The following NELL2 variants were observed in gnomAD, a reference collection of about 807,000 sequenced individuals.
NELL2 encodes the protein protein kinase C-binding protein NELL2.
Under a neutral mutation model 109.6 loss-of-function variants are expected in NELL2, and 41 were observed. The observed-to-expected ratio is 0.37, with a 90% CI of 0.29 to 0.49. The LOEUF is 0.49. NELL2 is among the 20% of genes least tolerant of loss of function. The probability of loss-of-function intolerance (pLI) is 0.98; values close to 1 mark genes in which losing one functional copy is unlikely to be tolerated. For missense variants in NELL2, 900 were observed against 1,008.3 expected, an observed-to-expected ratio of 0.89 and a Z score of 1.45; for synonymous variants, 355 against 344.7, an observed-to-expected ratio of 1.03 and a Z score of -0.33.
intron 15 of NELL2, among the ~76,000 whole-genome samples, chr12:44,585,941 T>A (rs995965383): frequency 6.6e-6 from 1 of 151,114 alleles, no homozygotes; most frequent in African/African-American, 2.4e-5. Flanking sequence ...GTTTGGTGTA[T>A]AAACTTATAG....
chr12:44,783,650 A>G (rs1942049331), intron 3 of NELL2, among the ~76,000 whole-genome samples: 1 of 152,022 alleles, frequency 6.6e-6, no homozygotes, highest in Admixed American at 6.6e-5. Context: ...TTACTTGTAT[A>G]CTTCTATAAT....
intron 12 of NELL2, among the ~76,000 whole-genome samples, chr12:44,698,144 C>T (rs1007510109): frequency 1.3e-5 from 2 of 152,164 alleles, no homozygotes; most frequent in Non-Finnish European, 2.9e-5. Context: ...GTGTCACCCT[C>T]CTCCAGCATG....
At position 44,777,279 on chromosome 12, in the gene NELL2, G is replaced by A. The variant is rs1941792709; in HGVS notation, c.642C>T (p.Pro214=). 1.2e-6 allele frequency: 2 copies of A among 1,613,718 alleles called. No individual in the cohort carries two copies. Among genetic ancestry groups the A allele is most frequent in the Non-Finnish European group, 1.7e-6 (2 of 1,179,734 alleles). The change falls in exon 6 of 20, where the codon CCC becomes CCT. Residue 214 remains proline (P), a synonymous_variant. Coordinates refer to ENST00000429094, the MANE Select transcript of NELL2 (RefSeq NM_001145108.2). ...IMQDVQLLVM[P]QGFIAQCPDL... ...CTGGGCACTGAGCAATAAATCCCTGGGGCATGACAAGTAATTGGACATCTT... is the reference window on the plus strand; with the variant it reads ...CTGGGCACTGAGCAATAAATCCCTGAGGCATGACAAGTAATTGGACATCTT...
At chr12:44,629,912 C>G (rs892169033) in intron 13 of NELL2, among the ~76,000 whole-genome samples, 1 of 152,048 alleles carries the variant, frequency 6.6e-6, no homozygotes, top group Non-Finnish European at 1.5e-5. Context: ...TGTCTTTGTC[C>G]TTCTGAAGAC....
intron 13 of NELL2, among the ~76,000 whole-genome samples, chr12:44,619,878 G>T (rs1007095813): frequency 6.6e-6 from 1 of 152,224 alleles, no homozygotes; most frequent in East Asian, 1.9e-4. Flanking sequence ...CTGTGATTTT[G>T]TGAATTAAAC....
chr12:44,566,951 ACAAACGTGCAC>A (rs537617699), intron 15 of NELL2, among the ~76,000 whole-genome samples: 23 of 152,188 alleles, frequency 1.5e-4, no homozygotes, highest in Admixed American at 2.6e-4. Context: ...AGCTGGGATT[ACAAACGTGCAC>A]CACCAGGCCC....
chr12:44,812,816 A>G (rs1011863785), intron 3 of NELL2, among the ~76,000 whole-genome samples: 26 of 152,100 alleles, frequency 1.7e-4, no homozygotes, highest in Non-Finnish European at 5.9e-5. Context: ...AATGATGCTG[A>G]AAAAAAGGCA....
chr12:44,685,945 G>C (rs1948702800), intron 12 of NELL2, among the ~76,000 whole-genome samples: 1 of 152,076 alleles, frequency 6.6e-6, no homozygotes, highest in Admixed American at 6.6e-5. Flanking sequence ...TATATTTCCT[G>C]AATCTGAATG....
At chr12:44,691,465 C>T (rs1948897785) in intron 12 of NELL2, among the ~76,000 whole-genome samples, 1 of 152,090 alleles carries the variant, frequency 6.6e-6, no homozygotes, top group South Asian at 2.1e-4. Flanking sequence ...TTCCTCAGTC[C>T]ACGCTATTCC....
At chr12:44,793,254 T>C (rs988399272) in intron 3 of NELL2, among the ~76,000 whole-genome samples, 1 of 152,284 alleles carries the variant, frequency 6.6e-6, no homozygotes, top group East Asian at 1.9e-4. Flanking sequence ...AAAGAATGAA[T>C]AAAATACCAA....
intron 15 of NELL2, among the ~76,000 whole-genome samples, chr12:44,602,710 T>C (rs1008370658): frequency 2.6e-4 from 40 of 152,226 alleles, no homozygotes; most frequent in African/African-American, 9.6e-4. Flanking sequence ...TCTGAGAATT[T>C]TCCCTTGCTT....
intron 16 of NELL2, among the ~76,000 whole-genome samples, chr12:44,527,000 C>T (rs1941814586): frequency 6.6e-6 from 1 of 152,188 alleles, no homozygotes; most frequent in South Asian, 2.1e-4. Flanking sequence ...CAATCATTTT[C>T]CCTATCTCGA....
At chr12:44,631,127 T>C (rs2136285283) in intron 13 of NELL2, among the ~76,000 whole-genome samples, 2 of 151,858 alleles carry the variant, frequency 1.3e-5, no homozygotes, top group South Asian at 2.1e-4. Flanking sequence ...TTATTTGTTA[T>C]AGAAATTCTC....
At chr12:44,601,332 T>C (rs1460374877) in intron 15 of NELL2, among the ~76,000 whole-genome samples, 2 of 152,168 alleles carry the variant, frequency 1.3e-5, no homozygotes, top group Non-Finnish European at 2.9e-5. Flanking sequence ...AAGAATGACT[T>C]TGAGATTTAA....
At chr12:44,541,027 C>T (rs901517535) in intron 15 of NELL2, among the ~76,000 whole-genome samples, 10 of 151,308 alleles carry the variant, frequency 6.6e-5, no homozygotes, top group African/African-American at 1.7e-4. Flanking sequence ...GGGTGGATCA[C>T]GAGGTCAGGA....
intron 1 of NELL2, among the ~76,000 whole-genome samples, chr12:44,905,551 C>A (rs1945710216): frequency 6.6e-6 from 1 of 151,986 alleles, no homozygotes; most frequent in Non-Finnish European, 1.5e-5. Context: ...AAAACATAAG[C>A]ATGGGAAAAT....
At chr12:44,598,477 A>T (rs768574499) in intron 15 of NELL2, among the ~76,000 whole-genome samples, 1 of 152,100 alleles carries the variant, frequency 6.6e-6, no homozygotes, top group South Asian at 2.1e-4. Context: ...TTCTCTCATC[A>T]TAAGTTTCAC....
chr12:44,587,284 A>AAAAAAAAAATATATATATATATATATAT, intron 15 of NELL2, among the ~76,000 whole-genome samples: 7 of 72,202 alleles, frequency 9.7e-5, no homozygotes, highest in African/African-American at 2.0e-4. Flanking sequence ...AAAAAAAAAA[A>AAAAAAAAAATATATATATATATATATAT]ATATATATAT....
chr12:44,885,458 T>C (rs966230395), intron 1 of NELL2, among the ~76,000 whole-genome samples: 1 of 151,814 alleles, frequency 6.6e-6, no homozygotes, highest in African/African-American at 2.4e-5. Context: ...ACAAAGTCAA[T>C]ATACAGAAAT....
Sources: allele counts gnomAD v4.1 joint callset (sites outside exome capture counted in the v4.1 genomes callset), GRCh38; gene constraint gnomAD v4.1.1; transcripts MANE v1.5; gene names NCBI Gene and HGNC (gene_info 2026-07-23, HGNC 2026-07-21).